The following MGAT4C variants were observed in gnomAD, a reference collection of about 807,000 sequenced individuals.
MGAT4C encodes alpha-1,3-mannosyl-glycoprotein 4-beta-N-acetylglucosaminyltransferase C.
MGAT4C carries 19 observed loss-of-function variants against 40.1 expected under a neutral mutation model. The observed-to-expected ratio is 0.47, with a 90% CI of 0.33 to 0.70. The LOEUF (loss-of-function observed/expected upper bound fraction) is 0.70. Ranked by LOEUF, MGAT4C falls within the 30% of genes least tolerant of loss-of-function variation. The pLI is 0.02. For synonymous variants in MGAT4C, 181 were observed against 187.1 expected (o/e 0.97, Z 0.27); for missense variants, 491 against 563.2 (o/e 0.87, Z 1.30).
At chr12:86,195,749 G>T (rs1949777634) in intron 1 of MGAT4C, among the ~76,000 whole-genome samples, 1 of 151,978 alleles carries the variant, frequency 6.6e-6, no homozygotes, top group East Asian at 1.9e-4. Flanking sequence ...TTAATTTTTT[G>T]AGGTCCAGGA....
chr12:86,825,999 A>G (rs894027739), intron 1 of MGAT4C, among the ~76,000 whole-genome samples: 7 of 151,556 alleles, frequency 4.6e-5, no homozygotes, highest in South Asian at 2.1e-4. Flanking sequence ...CTTCAGATCA[A>G]TTGGGGTGAC....
chr12:86,251,684 A>C (rs2471567), intron 1 of MGAT4C, among the ~76,000 whole-genome samples: 123,955 of 151,886 alleles, frequency 0.82, 50,827 homozygotes, highest in East Asian at 0.95. Flanking sequence ...ACTGCAGCAC[A>C]AATATGTATA....
At chr12:86,464,740 C>A (rs1957655114) in intron 2 of MGAT4C, among the ~76,000 whole-genome samples, 2 of 151,972 alleles carry the variant, frequency 1.3e-5, no homozygotes. Context: ...AATGTTAACA[C>A]TGACTTAATA....
chr12:86,445,757 C>A (rs1488459124), intron 2 of MGAT4C, among the ~76,000 whole-genome samples: 1 of 151,936 alleles, frequency 6.6e-6, no homozygotes, highest in South Asian at 2.1e-4. Context: ...GAGTCTCAAA[C>A]CTAATGTTGA....
intron 1 of MGAT4C, among the ~76,000 whole-genome samples, chr12:86,219,272 G>A (rs1174968676): frequency 6.6e-6 from 1 of 152,130 alleles, no homozygotes; most frequent in African/African-American, 2.4e-5. Flanking sequence ...TCCTTCCTGA[G>A]TATTTAAAGA....
At chr12:86,051,606 T>C (rs1892897961) in intron 1 of MGAT4C, among the ~76,000 whole-genome samples, 2 of 151,786 alleles carry the variant, frequency 1.3e-5, no homozygotes, top group East Asian at 1.9e-4. Flanking sequence ...AAATATTTTG[T>C]TATCAAATCA....
chr12:86,760,714 T>C (rs942930751), intron 1 of MGAT4C, among the ~76,000 whole-genome samples: 6 of 152,060 alleles, frequency 3.9e-5, no homozygotes, highest in African/African-American at 1.2e-4. Context: ...GGGAATTCAA[T>C]TGAAGTTCCA....
intron 2 of MGAT4C, among the ~76,000 whole-genome samples, chr12:86,700,214 T>G (rs1950339694): frequency 6.6e-6 from 1 of 151,770 alleles, no homozygotes; most frequent in South Asian, 2.1e-4. Flanking sequence ...GATAGATAGA[T>G]TAGGCTTTAG....
intron 1 of MGAT4C, among the ~76,000 whole-genome samples, chr12:86,112,759 G>A (rs1460791133): frequency 1.3e-5 from 2 of 151,732 alleles, no homozygotes; most frequent in Admixed American, 1.3e-4. Context: ...ATAGTTAGGA[G>A]GAAACAGAGT....
At chr12:86,774,337 T>TTCTTTCTTTCTTTTCTTTCTCTCTTTCTC (rs1207664798) in intron 1 of MGAT4C, among the ~76,000 whole-genome samples, 1 of 107,044 alleles carries the variant, frequency 9.3e-6, no homozygotes, top group Non-Finnish European at 1.9e-5. Context: ...CTTTCTTTCT[T>TTCTTTCTTTCTTTTCTTTCTCTCTTTCTC]TCTGTCTCTC....
At chr12:86,733,651 G>T (rs1285230587) in intron 1 of MGAT4C, among the ~76,000 whole-genome samples, 1 of 152,046 alleles carries the variant, frequency 6.6e-6, no homozygotes, top group African/African-American at 2.4e-5. Context: ...ACAATGGAAG[G>T]CTGATTCCCA....
chr12:86,491,692 C>T (rs992651288), intron 2 of MGAT4C, among the ~76,000 whole-genome samples: 1 of 151,248 alleles, frequency 6.6e-6, no homozygotes, highest in African/African-American at 2.4e-5. Flanking sequence ...CAATATCATA[C>T]TGAATGGGCA....
At chr12:86,341,821 C>T (rs1378518435) in intron 3 of MGAT4C, among the ~76,000 whole-genome samples, 3 of 152,152 alleles carry the variant, frequency 2.0e-5, no homozygotes, top group Admixed American at 1.3e-4. Flanking sequence ...TTCAGCCACA[C>T]CCACCTGAGC....
chr12:86,254,196 T>C (rs12826095), intron 1 of MGAT4C, among the ~76,000 whole-genome samples: 34,749 of 151,904 alleles, frequency 0.23, 4,144 homozygotes, highest in East Asian at 0.37. Flanking sequence ...TATGATATCA[T>C]TGATGTCCTC....
At chr12:86,141,624 T>C (rs1026642768) in intron 1 of MGAT4C, among the ~76,000 whole-genome samples, 6 of 152,278 alleles carry the variant, frequency 3.9e-5, no homozygotes, top group African/African-American at 1.4e-4. Flanking sequence ...TTTGTAATCT[T>C]TTCTTGGAAT....
intron 2 of MGAT4C, among the ~76,000 whole-genome samples, chr12:86,006,762 CA>C (rs1887926672): frequency 6.6e-6 from 1 of 152,144 alleles, no homozygotes; most frequent in Non-Finnish European, 1.5e-5. Flanking sequence ...TTGCCTTAAG[CA>C]AGAAACTTAC....
At chr12:86,821,696 CTGTT>C in intron 1 of MGAT4C, among the ~76,000 whole-genome samples, 1 of 151,022 alleles carries the variant, frequency 6.6e-6, no homozygotes, top group South Asian at 2.1e-4. Context: ...TTAGAACTGT[CTGTT>C]TGCTGCAGTT....
chr12:86,444,753 G>A (rs536900157), intron 2 of MGAT4C, among the ~76,000 whole-genome samples: 5 of 152,012 alleles, frequency 3.3e-5, no homozygotes, highest in African/African-American at 7.2e-5. Context: ...TCTGAGGTAC[G>A]GTTCTGTAGT....
chr12:86,733,424 A>AAAAC lies in MGAT4C; in HGVS notation c.-261-6187_-261-6184dup, dbSNP rs528730046. Among the ~76,000 whole-genome samples, 1,228 of 152,106 alleles carry AAAAC rather than the reference A, an allele frequency of 8.1e-3. 9 individuals are homozygous for AAAAC. The highest frequency in any genetic ancestry group is 0.023 in the East Asian group (117 of 5,156). ...ATGATCCCCGAGTAACAAGAAGAGC[A>AAAAC]AAACAAACAAACAAACAAACAAACA... On this transcript the variant is annotated intron_variant, in intron 1 of 7. Transcript: ENST00000548651.
Sources: gnomAD v4.1 joint callset for allele counts (sites outside exome capture counted in the v4.1 genomes callset) on GRCh38, gnomAD v4.1.1 for gene constraint, MANE v1.5 for transcripts, NCBI Gene and HGNC (gene_info 2026-07-23, HGNC 2026-07-21) for gene names.